Variants in KCNMB2 observed in about 807,000 individuals in gnomAD.
The protein encoded by KCNMB2 is potassium calcium-activated channel subfamily M regulatory beta subunit 2.
Under a neutral mutation model 24.5 loss-of-function variants are expected in KCNMB2, and 9 were observed. The ratio of observed to expected loss-of-function variants is 0.37; its 90% CI spans 0.22 to 0.64. The LOEUF is 0.64. Among genes scored for constraint, KCNMB2 ranks in the 30% least tolerant of loss-of-function variants. The pLI, the probability that KCNMB2 is intolerant of heterozygous loss-of-function variation, is 0.63. For missense variants in KCNMB2, 226 were observed against 284.3 expected (o/e 0.79, Z 1.47); for synonymous variants, 109 against 104.4 (o/e 1.04, Z -0.27).
intron 1 of KCNMB2, among the ~76,000 whole-genome samples, chr3:178,578,750 T>G (rs890519667): frequency 5.9e-5 from 9 of 152,022 alleles, no homozygotes; most frequent in Admixed American, 5.9e-4. Context: ...AAAACAGACT[T>G]TAAACTAACA....
intron 1 of KCNMB2, among the ~76,000 whole-genome samples, chr3:178,713,739 T>C (rs1722527991): frequency 6.6e-6 from 1 of 152,170 alleles, no homozygotes; most frequent in Admixed American, 6.5e-5. Context: ...TGACGCTGCT[T>C]CCACACAAAG....
intron 1 of KCNMB2, among the ~76,000 whole-genome samples, chr3:178,570,176 A>G (rs762314138): frequency 6.6e-6 from 1 of 152,156 alleles, no homozygotes; most frequent in African/African-American, 2.4e-5. Flanking sequence ...GTAGTGCCTT[A>G]CAAGTCATCA....
At chr3:178,837,810 A>C (rs7642594) in intron 4 of KCNMB2, among the ~76,000 whole-genome samples, 97,843 of 151,888 alleles carry the variant, frequency 0.64, 33,436 homozygotes, top group African/African-American at 0.87. Context: ...TCTCAGTGGT[A>C]GTTTATATGA....
chr3:178,688,385 A>G (rs1721543249), intron 1 of KCNMB2, among the ~76,000 whole-genome samples: 1 of 152,170 alleles, frequency 6.6e-6, no homozygotes. Flanking sequence ...ATGATACCTC[A>G]GGTTCTAAAT....
intron 1 of KCNMB2, among the ~76,000 whole-genome samples, chr3:178,644,816 G>A (rs1719857823): frequency 6.6e-6 from 1 of 152,054 alleles, no homozygotes; most frequent in African/African-American, 2.4e-5. Context: ...TCCCTTACAA[G>A]CTACATGAAT....
At chr3:178,623,361 C>T (rs2108529202) in intron 1 of KCNMB2, among the ~76,000 whole-genome samples, 1 of 152,332 alleles carries the variant, frequency 6.6e-6, no homozygotes, top group East Asian at 1.9e-4. Flanking sequence ...TAGGTATTCT[C>T]TCTCCCTATT....
intron 2 of KCNMB2, among the ~76,000 whole-genome samples, chr3:178,810,206 T>C (rs1156919628): frequency 1.3e-5 from 2 of 152,212 alleles, no homozygotes; most frequent in Non-Finnish European, 2.9e-5. Context: ...GTCCTCCAGT[T>C]AATTATTTGG....
At chr3:178,559,171 C>T (rs1180373405) in intron 1 of KCNMB2, among the ~76,000 whole-genome samples, 7 of 152,078 alleles carry the variant, frequency 4.6e-5, no homozygotes, top group Non-Finnish European at 1.0e-4. Context: ...GGCTTTGGAA[C>T]TATCTGTATG....
intron 2 of KCNMB2, among the ~76,000 whole-genome samples, 158 bp downstream of exon 2, chr3:178,807,623 C>T (rs1054895518): frequency 6.6e-6 from 1 of 152,172 alleles, no homozygotes; most frequent in Admixed American, 6.5e-5. Context: ...CTTTGGCCTT[C>T]CTTCTCCTTG....
intron 1 of KCNMB2, among the ~76,000 whole-genome samples, chr3:178,752,811 T>C (rs1723895770): frequency 6.6e-6 from 1 of 152,118 alleles, no homozygotes; most frequent in Non-Finnish European, 1.5e-5. Flanking sequence ...CTAGCTTAAG[T>C]ACTAAAAAGG....
At chr3:178,550,014 T>C (rs1413805094) in intron 1 of KCNMB2, among the ~76,000 whole-genome samples, 1 of 152,160 alleles carries the variant, frequency 6.6e-6, no homozygotes, top group Non-Finnish European at 1.5e-5. Flanking sequence ...TAAAGGAAAC[T>C]CTTACCTTGA....
At chr3:178,731,818 G>T (rs6803453) in intron 1 of KCNMB2, among the ~76,000 whole-genome samples, 4 of 152,132 alleles carry the variant, frequency 2.6e-5, no homozygotes, top group Non-Finnish European at 5.9e-5. Flanking sequence ...CAGGAGAATC[G>T]CTTGATCCCG....
At chr3:178,718,460 C>G (rs1264071687) in intron 1 of KCNMB2, among the ~76,000 whole-genome samples, 1 of 152,162 alleles carries the variant, frequency 6.6e-6, no homozygotes, top group Non-Finnish European at 1.5e-5. Flanking sequence ...TTAGGTAGGC[C>G]TGCCTATAAG....
intron 4 of KCNMB2, chr3:178,841,518 T>C (rs1293729403): frequency 1.3e-5 from 2 of 152,208 alleles, no homozygotes; most frequent in African/African-American, 2.4e-5. Context: ...GGGTAATTTA[T>C]AAATGAAAAA....
At chr3:178,838,593 G>T (rs1186911539) in intron 4 of KCNMB2, among the ~76,000 whole-genome samples, 1 of 149,770 alleles carries the variant, frequency 6.7e-6, no homozygotes, top group Non-Finnish European at 1.5e-5. Context: ...AAAGCAAGGT[G>T]CCTGTGTGCC....
At chr3:178,605,835 G>A (rs1718252093) in intron 1 of KCNMB2, among the ~76,000 whole-genome samples, 1 of 152,110 alleles carries the variant, frequency 6.6e-6, no homozygotes, top group South Asian at 2.1e-4. Context: ...GTACAGCTTG[G>A]TGCCCCCTGG....
intron 1 of KCNMB2, chr3:178,747,235 A>G (rs912857768): frequency 6.6e-6 from 1 of 152,474 alleles, no homozygotes; most frequent in Non-Finnish European, 1.5e-5. Flanking sequence ...CACCAGGCAA[A>G]GAGAGAGCAC....
At chr3:178,675,882 T>C (rs143975872) in intron 1 of KCNMB2, among the ~76,000 whole-genome samples, 1 of 152,306 alleles carries the variant, frequency 6.6e-6, no homozygotes, top group East Asian at 1.9e-4. Context: ...ACCTTAATAA[T>C]ATCAACCAGT....
intron 1 of KCNMB2, among the ~76,000 whole-genome samples, chr3:178,781,485 G>A (rs1047844500): frequency 5.3e-5 from 8 of 152,046 alleles, no homozygotes; most frequent in African/African-American, 1.7e-4. Flanking sequence ...CCAGCTACTC[G>A]GGAGGCTGAG....
Sources: allele counts gnomAD v4.1 joint callset (sites outside exome capture counted in the v4.1 genomes callset), GRCh38; gene constraint gnomAD v4.1.1; transcripts MANE v1.5; gene names NCBI Gene and HGNC (gene_info 2026-07-23, HGNC 2026-07-21).